Variants in RIF1 observed in about 807,000 individuals in gnomAD.
The protein encoded by RIF1 is replication timing regulatory factor 1, also known as telomere-associated protein RIF1.
RIF1 carries 45 observed loss-of-function variants against 247.1 expected under a neutral mutation model. That is an observed-to-expected ratio of 0.18 (90% CI 0.14 to 0.23). The LOEUF is 0.23. RIF1 is among the 10% of genes least tolerant of loss of function. RIF1 has a pLI of 1.00. For synonymous variants in RIF1, 1,087 were observed against 978.8 expected (o/e 1.11, Z -2.06); for missense variants, 2,967 against 2,862.5 (o/e 1.04, Z -0.83).
chr2:151,500,890 C>T (rs574547229), intron 11 of RIF1, among the ~76,000 whole-genome samples: 15 of 152,098 alleles, frequency 9.9e-5, no homozygotes, highest in African/African-American at 2.2e-4. Context: ...TGAGCCACCA[C>T]GCCTGGCCCC....
chr2:151,524,538 G>A, the RIF1 span: 1 of 1,613,456 alleles, frequency 6.2e-7, no homozygotes, highest in African/African-American at 1.3e-5. Context: ...TTGGCTGCCT[G>A]TGTGGCCTTC....
intron 8 of RIF1, among the ~76,000 whole-genome samples, chr2:151,426,345 T>A (rs1689102176): frequency 6.6e-6 from 1 of 151,190 alleles, no homozygotes; most frequent in Admixed American, 6.6e-5. Context: ...CAGCTAAATT[T>A]TTGTATTTTT....
intron 6 of RIF1, 32 bp from the exon 7 acceptor site, chr2:151,420,158 A>G (rs751809854): frequency 6.3e-7 from 1 of 1,582,174 alleles, no homozygotes; most frequent in Non-Finnish European, 8.7e-7. Flanking sequence ...ACATGAGGTC[A>G]CGCTAATTAT....
At chr2:151,466,214 A>G in intron 30 of RIF1, 94 bp downstream of exon 30, 1 of 682,322 alleles carries the variant, frequency 1.5e-6, no homozygotes, top group East Asian at 2.5e-5. Flanking sequence ...AAATATTACA[A>G]TTATATGGCC....
intron 3 of RIF1, 60 bp downstream of exon 3, chr2:151,411,398 T>G: frequency 9.1e-7 from 1 of 1,103,508 alleles, no homozygotes; most frequent in East Asian, 2.4e-5. Context: ...TTTTTTTGGT[T>G]TTGTTTTTTT....
At position 151,458,105 on chromosome 2, in the gene RIF1, A is replaced by G. The variant is rs1695501051; in HGVS notation, c.2855+142A>G. 42 of 578,352 alleles carry G rather than the reference A, an allele frequency of 7.3e-5. No individual in the cohort carries two copies. In the South Asian group the frequency reaches 9.9e-4, roughly 14 times the overall value. 35.8% of individuals were successfully genotyped at this position (578,352 alleles called of 1,614,324 possible). On this transcript the variant is annotated intron_variant, in intron 24 of 35. Coordinates refer to ENST00000444746, the MANE Select transcript of RIF1 (RefSeq NM_018151.5). Reference sequence around the variant, plus strand: ...GAAATATTACCATTTGGAATACATGATAATTATTAAACATTATTTCACCTT... The same window carrying G: ...GAAATATTACCATTTGGAATACATGGTAATTATTAAACATTATTTCACCTT...
intron 10 of RIF1, chr2:151,497,155 T>G: frequency 7.5e-7 from 1 of 1,333,996 alleles, no homozygotes; most frequent in Non-Finnish European, 1.0e-6. Flanking sequence ...GAGCCAGAAG[T>G]TATATGCTGA....
At chr2:151,485,076 A>G (rs558034027), downstream of RIF1, among the ~76,000 whole-genome samples, 12 of 152,352 alleles carry the variant, frequency 7.9e-5, no homozygotes, top group East Asian at 2.1e-3. Flanking sequence ...CCTTTGCCAC[A>G]TGCTGCCATC....
At chr2:151,448,035 A>G (rs1265922724) in intron 20 of RIF1, among the ~76,000 whole-genome samples, 2 of 151,936 alleles carry the variant, frequency 1.3e-5, no homozygotes, top group African/African-American at 2.4e-5. Context: ...TAAAAATAAC[A>G]GTTCTTTTTT....
the RIF1 span, chr2:151,524,426 G>C: frequency 6.2e-7 from 1 of 1,613,896 alleles, no homozygotes; most frequent in South Asian, 1.1e-5. Context: ...CTGAATCAGA[G>C]AAAACCAAAA....
In RIF1 at chr2:151,465,455, A is replaced by T; in HGVS notation, c.5935A>T (p.Thr1979Ser). 1 of 1,614,078 alleles carries T rather than the reference A, an allele frequency of 6.2e-7. No homozygotes were observed. The highest frequency in any genetic ancestry group is 8.5e-7 in the Non-Finnish European group (1 of 1,179,958). ...FNSDISLSDN[T>S]TPVKLNAQTE... ...TTCAGATATTAGTCTTTCTGATAATACTACACCTGTAAAATTGAATGCTCA... is the reference window on the plus strand; with the variant it reads ...TTCAGATATTAGTCTTTCTGATAATTCTACACCTGTAAAATTGAATGCTCA... The change falls in exon 30 of 36, where the codon ACT becomes TCT. Residue 1979 changes from threonine (T) to serine (S), a missense_variant. Thr to Ser is a moderately conservative substitution (Grantham distance 58). Around this residue, in one of 7 missense-constraint regions of RIF1, gnomAD observed 2,028 missense variants for 1,825.6 expected, o/e 1.11. Coordinates refer to ENST00000444746, the MANE Select transcript of RIF1 (RefSeq NM_018151.5).
At chr2:151,417,275 T>C (rs913889516) in intron 6 of RIF1, among the ~76,000 whole-genome samples, 5 of 152,228 alleles carry the variant, frequency 3.3e-5, no homozygotes, top group Non-Finnish European at 5.9e-5. Context: ...GAGTACCTTC[T>C]TCATTTTTGT....
chr2:151,446,182 A>AT (rs1452803483), intron 19 of RIF1, among the ~76,000 whole-genome samples: 18 of 151,634 alleles, frequency 1.2e-4, no homozygotes, highest in South Asian at 2.1e-4. Context: ...GATTTTTTGT[A>AT]TTTTTAGTAG....
Position 151,475,253 on chromosome 2 carries a change from TC to T in RIF1, c.*184del, listed in dbSNP as rs1253708143. ...AATTTTGTAAGTTCATTATGTAAGA[TC>T]CTTTTTTTTTTCATAATATGTATTC... On this transcript the variant is annotated 3_prime_UTR_variant, in exon 36 of 36. Transcript: ENST00000444746. The T allele has an allele frequency of 1.7e-6, 1 of 572,642 alleles. No homozygotes were observed. Among genetic ancestry groups the T allele is most frequent in the Non-Finnish European group, 3.1e-6 (1 of 327,794 alleles). The allele number at this position is 572,642 out of a possible 1,614,324, so 35.5% of individuals were successfully genotyped here. A position where few individuals can be genotyped will look rare whatever the true frequency, so the allele number is the denominator to read the frequency against.
intron 34 of RIF1, among the ~76,000 whole-genome samples, chr2:151,473,087 C>T (rs908625626): frequency 1.3e-5 from 2 of 151,954 alleles, no homozygotes; most frequent in African/African-American, 4.8e-5. Context: ...TTGTTTCCAC[C>T]ATTTGCTATT....
intron 7 of RIF1, among the ~76,000 whole-genome samples, chr2:151,421,868 A>C (rs1241011499): frequency 1.3e-5 from 2 of 151,258 alleles, no homozygotes; most frequent in South Asian, 4.2e-4. Context: ...CAGTTTCGCA[A>C]TTGTTGCCCA....
chr2:151,446,657 G>A (rs2432941), intron 20 of RIF1, 82 bp downstream of exon 20: 952,507 of 1,328,600 alleles, frequency 0.72, 344,369 homozygotes, highest in East Asian at 0.79. Flanking sequence ...TTTGTGAACT[G>A]TCACCTATTA....
At chr2:151,490,419 T>G (rs1302311497) in intron 9 of RIF1, 1 of 1,599,450 alleles carries the variant, frequency 6.3e-7, no homozygotes, top group Non-Finnish European at 8.5e-7. Context: ...CGAAAGGTGG[T>G]GGTCTGGTGC....
chr2:151,513,446 C>T, the RIF1 span: 69 of 669,262 alleles, frequency 1.0e-4, no homozygotes, highest in Non-Finnish European at 1.3e-4. Context: ...GGATGGCTTC[C>T]TCCAGGCAGA....
Sources: gnomAD v4.1 joint callset for allele counts (sites outside exome capture counted in the v4.1 genomes callset) on GRCh38, gnomAD v4.1.1 for gene constraint, gnomAD v4.1.1 regional missense constraint, MANE v1.5 for transcripts, NCBI Gene and HGNC (gene_info 2026-07-23, HGNC 2026-07-21) for gene names.